Variants in PSMB2 observed in about 807,000 individuals in gnomAD.
The protein encoded by PSMB2 is proteasome subunit beta type-2.
PSMB2 carries 13 observed loss-of-function variants against 25.7 expected under a neutral mutation model. The ratio of observed to expected loss-of-function variants is 0.51; its 90% CI spans 0.33 to 0.80. PSMB2 has a LOEUF of 0.80. Ranked by LOEUF, PSMB2 falls within the 30% of genes least tolerant of loss-of-function variation. The pLI is 0.02. For synonymous variants in PSMB2, 87 were observed against 96.2 expected, an observed-to-expected ratio of 0.90 and a Z score of 0.56; for missense variants, 202 against 259.0, an observed-to-expected ratio of 0.78 and a Z score of 1.51.
intron 3 of PSMB2, among the ~76,000 whole-genome samples, chr1:35,619,711 C>T (rs963417036): frequency 8.5e-5 from 13 of 152,192 alleles, no homozygotes; most frequent in Non-Finnish European, 1.8e-4. Context: ...ATCAATGACT[C>T]CAAGTTTGAT....
chr1:35,619,478 G>A (rs758255792), intron 3 of PSMB2, among the ~76,000 whole-genome samples: 4 of 152,216 alleles, frequency 2.6e-5, no homozygotes, highest in Non-Finnish European at 5.9e-5. Flanking sequence ...TCTGTAATGT[G>A]GAGGACAGTA....
At chr1:35,635,645 G>A (rs1383631092) in intron 2 of PSMB2, among the ~76,000 whole-genome samples, 6 of 151,920 alleles carry the variant, frequency 3.9e-5, no homozygotes, top group African/African-American at 9.6e-5. Flanking sequence ...CCTGGTCAAC[G>A]TGGTGAAACC....
chr1:35,622,911 G>C (rs1377616565), intron 3 of PSMB2, among the ~76,000 whole-genome samples: 1 of 151,792 alleles, frequency 6.6e-6, no homozygotes, highest in Non-Finnish European at 1.5e-5. Context: ...ATCCTAGTAA[G>C]TGTAATGATT....
chr1:35,620,012 G>A (rs776098620), intron 3 of PSMB2, among the ~76,000 whole-genome samples: 6 of 151,858 alleles, frequency 4.0e-5, no homozygotes, highest in African/African-American at 2.4e-5. Context: ...TCCATATACC[G>A]TTAAGTCAGT....
At chr1:35,636,484 T>C (rs776732644) in intron 1 of PSMB2, 52 bp from the exon 2 acceptor site, 3 of 1,590,520 alleles carry the variant, frequency 1.9e-6, no homozygotes, top group Non-Finnish European at 2.6e-6. Context: ...ACATTGACCG[T>C]CATTATTTAT....
rs1198566756 is a variant in PSMB2, at chr1:35,602,384, T to G, written c.*883A>C. ...AAGGGGGCATGTGTCTGTATGTATG[T>G]ATACTTTACACAGTAACAGAATATC... On this transcript the variant is annotated 3_prime_UTR_variant, in exon 6 of 6. Coordinates refer to ENST00000373237, the MANE Select transcript of PSMB2 (RefSeq NM_002794.5). 1 of 152,236 alleles carries G rather than the reference T, an allele frequency of 6.6e-6. No individual in the cohort carries two copies. Among genetic ancestry groups the G allele is most frequent in the East Asian group, 1.9e-4 (1 of 5,202 alleles). The allele number at this position is 152,236 out of a possible 1,614,324, so 9.4% of individuals were successfully genotyped here.
rs760578961 is a variant in PSMB2, at chr1:35,603,218, G to A, written c.*49C>T. ...CTGAAAAGAGTAGAAAAAAATAAAGGAGCCCATCAAAAAAAAGTTCCCTGG... is the reference window on the plus strand; with the variant it reads ...CTGAAAAGAGTAGAAAAAAATAAAGAAGCCCATCAAAAAAAAGTTCCCTGG... On this transcript the variant is annotated 3_prime_UTR_variant, in exon 6 of 6. Coordinates refer to ENST00000373237, the MANE Select transcript of PSMB2 (RefSeq NM_002794.5). 4.7e-5 allele frequency: 75 copies of A among 1,592,314 alleles called. 1 individual carries two copies. The South Asian group carries it at 7.9e-4, about 17-fold the overall frequency.
chr1:35,608,364 C>CA (rs112782164), intron 4 of PSMB2, among the ~76,000 whole-genome samples: 4,337 of 119,888 alleles, frequency 0.036, 219 homozygotes, highest in African/African-American at 0.11. Context: ...GACTCTGCCT[C>CA]AAAAAAAAAA....
At chr1:35,617,381 C>A (rs1350190013) in intron 3 of PSMB2, among the ~76,000 whole-genome samples, 1 of 152,112 alleles carries the variant, frequency 6.6e-6, no homozygotes, top group Non-Finnish European at 1.5e-5. Flanking sequence ...TGGCTATATT[C>A]CTTTTTAAGG....
chr1:35,619,158 T>G (rs1413681641), intron 3 of PSMB2, among the ~76,000 whole-genome samples: 1 of 152,244 alleles, frequency 6.6e-6, no homozygotes, highest in African/African-American at 2.4e-5. Context: ...ATAAAAATTG[T>G]CTTTGTTTTC....
At position 35,641,513 on chromosome 1, in the gene PSMB2, T is replaced by C; in HGVS notation, c.-81A>G. On this transcript the variant is annotated 5_prime_UTR_variant, in exon 1 of 6. Transcript: ENST00000373237. ...CAGGTCTCACCGGTGAGACAGCACC[T>C]CAGAGCGAAGATTGGCGCGACGCCT... 6.3e-7 allele frequency: 1 copy of C among 1,589,056 alleles called. No homozygotes were observed. The highest frequency in any genetic ancestry group is 8.6e-7 in the Non-Finnish European group (1 of 1,165,350).
At chr1:35,614,653 C>A (rs1018995938) in intron 3 of PSMB2, among the ~76,000 whole-genome samples, 1 of 152,160 alleles carries the variant, frequency 6.6e-6, no homozygotes, top group Non-Finnish European at 1.5e-5. Flanking sequence ...TCCAAGTGAA[C>A]CCAAACATTT....
At chr1:35,604,237 C>G (rs1650094699) in intron 5 of PSMB2, among the ~76,000 whole-genome samples, 1 of 152,076 alleles carries the variant, frequency 6.6e-6, no homozygotes. Flanking sequence ...CCTCCCCATT[C>G]CCCCATTCTC....
intron 3 of PSMB2, among the ~76,000 whole-genome samples, chr1:35,629,810 CA>C (rs111544640): frequency 6.5e-4 from 82 of 125,258 alleles, no homozygotes; most frequent in Middle Eastern, 8.3e-3. Context: ...GACCCCGTCT[CA>C]AAAAAAAAAA....
intron 3 of PSMB2, 152 bp from the exon 4 acceptor site, chr1:35,609,560 A>G (rs1019793531): frequency 1.3e-6 from 1 of 762,696 alleles, no homozygotes; most frequent in Non-Finnish European, 1.9e-6. Flanking sequence ...AGGGAAATCT[A>G]GAGGACCTGG....
rs1484485383 is a variant in PSMB2, at chr1:35,609,296, C to T, written c.398G>A (p.Gly133Asp). ...ACTGAGAGTCAGGAAGGCACCATAG[C>T]CGTGGGCTGCAAAAGGGGCCTTGGC... ...ALAKAPFAAH[G>D]YGAFLTLSIL... Residue 133 changes from glycine (G) to aspartate (D), a missense_variant, in exon 4 of 6, where the codon GGC (glycine) becomes GAC (aspartate). Transcript: ENST00000373237. 6.2e-7 allele frequency: 1 copy of T among 1,613,198 alleles called. No individual in the cohort carries two copies.
chr1:35,610,774 G>A lies in PSMB2; in HGVS notation c.286-1366C>T, dbSNP rs956141300. Among the ~76,000 whole-genome samples, 9 of 152,276 alleles carry A rather than the reference G, an allele frequency of 5.9e-5. No individual in the cohort carries two copies. The South Asian group carries it at 6.2e-4, about 11-fold the overall frequency. On this transcript the variant is annotated intron_variant, in intron 3 of 5. Transcript: ENST00000373237. ...CTCCCAAAGTGCTGGGATTACAGGCGTGAGCCACTGCGCCCGGCCATAAGT... is the reference window on the plus strand; with the variant it reads ...CTCCCAAAGTGCTGGGATTACAGGCATGAGCCACTGCGCCCGGCCATAAGT...
In PSMB2 at chr1:35,603,181, T is replaced by C; in HGVS notation, c.*86A>G. 3 of 1,529,696 alleles carry C rather than the reference T, an allele frequency of 2.0e-6. No individual in the cohort carries two copies. The highest frequency in any genetic ancestry group is 2.6e-6 in the Non-Finnish European group (3 of 1,144,632). The allele number at this position is 1,529,696 out of a possible 1,614,324, so 94.8% of individuals were successfully genotyped here. On this transcript the variant is annotated 3_prime_UTR_variant, in exon 6 of 6. Transcript: ENST00000373237. ...ACCTTTATTCTGAATTAACCATTTA[T>C]CAAGAGTGCGCCTGAAAAGAGTAGA...
chr1:35,634,644 G>A (rs1651194577), intron 2 of PSMB2, among the ~76,000 whole-genome samples: 1 of 152,084 alleles, frequency 6.6e-6, no homozygotes, highest in Non-Finnish European at 1.5e-5. Flanking sequence ...TCTCAAAAGT[G>A]CTGGGATTAC....
Sources: gnomAD v4.1 joint callset for allele counts (sites outside exome capture counted in the v4.1 genomes callset) on GRCh38, gnomAD v4.1.1 for gene constraint, MANE v1.5 for transcripts, NCBI Gene and HGNC (gene_info 2026-07-23, HGNC 2026-07-21) for gene names.